The following MAPK15 variants were observed in gnomAD, a reference collection of about 807,000 sequenced individuals.
The protein encoded by MAPK15 is mitogen-activated protein kinase 15, also known as ERK-7.
Under a neutral mutation model 60.8 loss-of-function variants are expected in MAPK15, and 61 were observed. The observed-to-expected ratio is 1.00, with a 90% CI of 0.82 to 1.24. MAPK15 has a LOEUF of 1.24. Among genes scored for constraint, MAPK15 ranks in the 50% most tolerant of loss-of-function variants. The pLI is 0.00. For missense variants in MAPK15, 808 were observed against 741.1 expected (o/e 1.09, Z -1.05); for synonymous variants, 356 against 319.9 (o/e 1.11, Z -1.21).
Position 143,719,358 on chromosome 8 carries a change from G to A in MAPK15, c.597G>A (p.Val199=), listed in dbSNP as rs1240078861. Residue 199 remains valine (V), a synonymous_variant, in exon 7 of 14, where the codon GTG becomes GTA. Coordinates refer to ENST00000338033, the MANE Select transcript of MAPK15 (RefSeq NM_139021.3). ...CCTGCCCCAGATACACCCTTGGGGT[G>A]GACATGTGGAGTCTGGGCTGTATCC... ...LLSSHRYTLG[V]DMWSLGCILG... The A allele has an allele frequency of 8.1e-6, 13 of 1,608,100 alleles. No individual in the cohort carries two copies. The highest frequency in any genetic ancestry group is 3.3e-4 in the Middle Eastern group (2 of 6,004).
intron 1 of MAPK15, among the ~76,000 whole-genome samples, chr8:143,717,248 G>C (rs1817846559): frequency 6.6e-6 from 1 of 152,162 alleles, no homozygotes; most frequent in African/African-American, 2.4e-5. Flanking sequence ...GAGTTAAGGG[G>C]TTAGCGTAGC....
chr8:143,718,727 G>GGCCCCCCCCCCCCCCCCCCCC, intron 4 of MAPK15, 48 bp from the exon 5 acceptor site: 3 of 514,500 alleles, frequency 5.8e-6, no homozygotes, highest in Non-Finnish European at 9.5e-6. Flanking sequence ...CCCCCAGGTT[G>GGCCCCCCCCCCCCCCCCCCCC]CCCCCCCAGC....
rs781995601 is a variant in MAPK15 at position 143,721,899 on chromosome 8, GC to G, written c.1458+24del. 6.4e-7 allele frequency: 1 copy of G among 1,551,778 alleles called. No homozygotes were observed. Among genetic ancestry groups the G allele is most frequent in the East Asian group, 2.3e-5 (1 of 44,298 alleles). On this transcript the variant is annotated intron_variant, in intron 13 of 13. Transcript: ENST00000338033. Reference sequence around the variant, plus strand: ...ACAACAGGTAAGCCCGGCCCAGTCTGCCCCCGTCCCCTCATCCTCCTTTCCC... The same window carrying G: ...ACAACAGGTAAGCCCGGCCCAGTCTGCCCCGTCCCCTCATCCTCCTTTCCC...
At chr8:143,717,267 G>C (rs1817847610) in intron 1 of MAPK15, among the ~76,000 whole-genome samples, 1 of 152,176 alleles carries the variant, frequency 6.6e-6, no homozygotes, top group Admixed American at 6.5e-5. Context: ...GCCACGCAGC[G>C]AGAGATGCCA....
In MAPK15 at chr8:143,720,466, C is replaced by T; in HGVS notation, c.779+179C>T. On this transcript the variant is annotated intron_variant, in intron 8 of 13. Transcript: ENST00000338033. This position sits in a 1 kb window ranked among gnomAD's most constrained non-coding sequence, Gnocchi z 4.6. ...TGAAAGCAGGAGCCCCTCTGGTGCT[C>T]CTAGAGGGTGGCCCAGAGGAGCTGT... 1 of 1,448,798 alleles carries T rather than the reference C, an allele frequency of 6.9e-7. No individual in the cohort carries two copies. The highest frequency in any genetic ancestry group is 9.1e-7 in the Non-Finnish European group (1 of 1,097,850). 89.7% of individuals were successfully genotyped at this position (1,448,798 alleles called of 1,614,324 possible).
At chr8:143,717,594 C>A in intron 1 of MAPK15, 100 bp from the exon 2 acceptor site, 2 of 1,032,934 alleles carry the variant, frequency 1.9e-6, no homozygotes, top group Non-Finnish European at 2.9e-6. Flanking sequence ...CCTCTCGGGA[C>A]CCAGGATGGG....
Position 143,720,292 on chromosome 8 carries a change from G to T in MAPK15, c.779+5G>T. The T allele has an allele frequency of 6.3e-7, 1 of 1,584,932 alleles. No individual in the cohort carries two copies. Among genetic ancestry groups the T allele is most frequent in the Non-Finnish European group, 8.6e-7 (1 of 1,164,770 alleles). On this transcript the variant is annotated splice_donor_5th_base_variant and intron_variant, in intron 8 of 13. Coordinates refer to ENST00000338033, the MANE Select transcript of MAPK15 (RefSeq NM_139021.3). This position sits in a 1 kb window ranked among gnomAD's most constrained non-coding sequence, Gnocchi z 4.6. ...GCTGCACCAGCTGGGGTCCCGGTGA[G>T]TGGGGGCACTTCGGTGAGGGTGACA... is the stretch of plus-strand genomic sequence containing the variant.
chr8:143,717,931 G>A, intron 2 of MAPK15, 116 bp from the exon 3 acceptor site: 1 of 1,525,162 alleles, frequency 6.6e-7, no homozygotes, highest in Non-Finnish European at 9.1e-7. Context: ...CTGCCCCCTT[G>A]CCACGCCTGG....
At chr8:143,718,470 C>T in intron 4 of MAPK15, 168 bp downstream of exon 4, 1 of 703,660 alleles carries the variant, frequency 1.4e-6, no homozygotes. Flanking sequence ...CTAGTGTCAG[C>T]CTCCAGAGCC....
chr8:143,719,218 G>A (rs548413094), intron 6 of MAPK15, 62 bp downstream of exon 6: 9 of 1,496,046 alleles, frequency 6.0e-6, no homozygotes, highest in Middle Eastern at 4.0e-4. Flanking sequence ...CCCAGCCAGG[G>A]CTCCCAGGCC....
chr8:143,719,421 C>T lies in MAPK15; in HGVS notation c.660C>T (p.Gly220=). 1.9e-6 allele frequency: 3 copies of T among 1,611,154 alleles called. No homozygotes were observed. Among genetic ancestry groups the T allele is most frequent in the Non-Finnish European group, 1.7e-6 (2 of 1,178,976 alleles). ...EMLRGRPLFP[G]TSTLHQLELI... is the part of the protein sequence containing the mutation. The stretch of plus-strand genomic sequence containing the variant: ...TGCGGGGGAGACCCCTGTTCCCCGG[C>T]ACGTCCACCCTCCACCAGCTGGAGC... The change falls in exon 7 of 14, where the codon GGC becomes GGT. Residue 220 remains glycine (G), a synonymous_variant. Transcript: ENST00000338033.
intron 7 of MAPK15, among the ~76,000 whole-genome samples, chr8:143,719,738 G>A (rs1232901206): frequency 6.6e-6 from 1 of 152,202 alleles, no homozygotes; most frequent in African/African-American, 2.4e-5. Flanking sequence ...GAAGGGGCCA[G>A]CAGGCTGGAC....
rs782347920 is a variant in MAPK15 at position 143,719,095 on chromosome 8, G to C, written c.520G>C (p.Val174Leu). The change falls in exon 6 of 14, where the codon GTG becomes CTG. Residue 174 changes from valine (V) to leucine (L), a missense_variant. Transcript: ENST00000338033. ...DLPEGPEDQA[V>L]TEYVATRWYR... is the part of the protein sequence containing the mutation. Reference sequence around the variant, plus strand: ...CCCCGAGGGGCCTGAGGACCAGGCCGTGACAGAGTACGTGGCCACACGCTG... The same window carrying C: ...CCCCGAGGGGCCTGAGGACCAGGCCCTGACAGAGTACGTGGCCACACGCTG... The C allele has an allele frequency of 9.6e-6, 15 of 1,567,474 alleles. No individual in the cohort carries two copies. Among genetic ancestry groups the C allele is most frequent in the Admixed American group, 1.9e-5 (1 of 52,942 alleles).
At chr8:143,719,884 T>C (rs1312341182) in intron 7 of MAPK15, among the ~76,000 whole-genome samples, 3 of 148,836 alleles carry the variant, frequency 2.0e-5, no homozygotes, top group East Asian at 2.0e-4. Context: ...AGAGGGGCCA[T>C]GGGGGTCACT....
intron 4 of MAPK15, 26 bp from the exon 5 acceptor site, chr8:143,718,749 G>T (rs782247134): frequency 1.7e-5 from 3 of 172,634 alleles, no homozygotes. Context: ...CCCCACCCCC[G>T]ACTGCAGTGC....
At chr8:143,718,964 C>T (rs192646403) in intron 5 of MAPK15, 29 bp from the exon 6 acceptor site, 44 of 1,600,352 alleles carry the variant, frequency 2.7e-5, no homozygotes, top group Admixed American at 1.5e-4. Flanking sequence ...CACCCAGCCC[C>T]GGGGCCTCAG....
In MAPK15 at chr8:143,721,593, C is replaced by G. The variant is rs371534644; in HGVS notation, c.1249C>G (p.Pro417Ala). Residue 417 changes from proline (P) to alanine (A), a missense_variant, in exon 12 of 14, where the codon CCC becomes GCC. Transcript: ENST00000338033. Reference sequence around the variant, plus strand: ...GAACGTTCCCAGGCAGAACTCCGCTCCCCTGCTCCAAACTGCTCTCCTAGG... The same window carrying G: ...GAACGTTCCCAGGCAGAACTCCGCTGCCCTGCTCCAAACTGCTCTCCTAGG... ...AKNVPRQNSAPLLQTALLGNG... is the reference protein window; with the variant it reads ...AKNVPRQNSAALLQTALLGNG... 2 of 1,613,398 alleles carry G rather than the reference C, an allele frequency of 1.2e-6. No homozygotes were observed. The highest frequency in any genetic ancestry group is 8.5e-7 in the Non-Finnish European group (1 of 1,179,676).
Position 143,720,106 on chromosome 8 carries a change from G to C in MAPK15, c.722-124G>C. 1 of 1,420,298 alleles carries C rather than the reference G, an allele frequency of 7.0e-7. No homozygotes were observed. 88.0% of individuals were successfully genotyped at this position (1,420,298 alleles called of 1,614,324 possible). A position where few individuals can be genotyped will look rare whatever the true frequency, so the allele number is the denominator to read the frequency against. On this transcript the variant is annotated intron_variant, in intron 7 of 13. Transcript: ENST00000338033. The surrounding 1 kb of genome is among the most constrained non-coding windows in gnomAD (Gnocchi z 4.6). ...GTGATGGGGTGTTTGAGCCCCGCCA[G>C]ACAGCAGAAACCCTGTAGAGAGGCT...
intron 4 of MAPK15, 177 bp from the exon 5 acceptor site, chr8:143,718,598 A>G (rs1033292205): frequency 1.6e-4 from 106 of 644,484 alleles, no homozygotes; most frequent in Non-Finnish European, 2.6e-4. Flanking sequence ...TAAAGTGTTA[A>G]AACTCCTGCA....
Sources: gnomAD v4.1 joint callset for allele counts (sites outside exome capture counted in the v4.1 genomes callset) on GRCh38, gnomAD v4.1.1 for gene constraint, Gnocchi (gnomAD v3.1) non-coding constraint, MANE v1.5 for transcripts, NCBI Gene and HGNC (gene_info 2026-07-23, HGNC 2026-07-21) for gene names.